NRP1: variants seen among roughly 807,000 people sequenced by gnomAD.
NRP1 encodes neuropilin-1.
NRP1 carries 35 observed loss-of-function variants against 106.7 expected under a neutral mutation model. That is an observed-to-expected ratio of 0.33 (90% CI 0.25 to 0.43). The LOEUF (loss-of-function observed/expected upper bound fraction) is 0.43. Ranked by LOEUF, NRP1 falls within the 20% of genes least tolerant of loss-of-function variation. The pLI, the probability that NRP1 is intolerant of heterozygous loss-of-function variation, is 1.00. For missense variants in NRP1, 1,024 were observed against 1,170.4 expected (o/e 0.87, Z 1.83); for synonymous variants, 437 against 417.9 (o/e 1.05, Z -0.56).
intron 11 of NRP1, among the ~76,000 whole-genome samples, chr10:33,198,209 T>C (rs1010858126): frequency 1.3e-5 from 2 of 150,444 alleles, no homozygotes; most frequent in African/African-American, 4.9e-5. Context: ...TGGCACAATC[T>C]CGGCTCACTA....
intron 10 of NRP1, 130 bp downstream of exon 10, chr10:33,207,442 G>T (rs1328380256): frequency 5.5e-6 from 5 of 909,914 alleles, no homozygotes; most frequent in African/African-American, 3.3e-5. Flanking sequence ...TCACTGATGG[G>T]CAGGCACCGA....
chr10:33,185,628 T>G lies in NRP1; in HGVS notation c.2431A>C (p.Lys811Gln). The change falls in exon 15 of 17, where the codon AAA becomes CAA. Residue 811 changes from lysine to glutamine, a missense_variant and splice_region_variant. Around this residue, in one of 5 missense-constraint regions of NRP1, gnomAD observed 164 missense variants for 161.4 expected, o/e 1.02. Transcript: ENST00000374867. Reference sequence around the variant, plus strand: ...GGTTTCTACAGCAGCTCATACTTACTTGCACAATCTTCTTGTGAAATGTGG... The same window carrying G: ...GGTTTCTACAGCAGCTCATACTTACGTGCACAATCTTCTTGTGAAATGTGG... ...NNHISQEDCA[K>Q]PADLDKKNPE... is the part of the protein sequence containing the mutation. 4.3e-6 allele frequency: 7 copies of G among 1,610,010 alleles called. No homozygotes were observed. The highest frequency in any genetic ancestry group is 6.0e-6 in the Non-Finnish European group (7 of 1,176,270).
chr10:33,317,278 T>C (rs1847107391), intron 2 of NRP1, among the ~76,000 whole-genome samples: 1 of 152,218 alleles, frequency 6.6e-6, no homozygotes, highest in Non-Finnish European at 1.5e-5. Flanking sequence ...TAACCTCTTC[T>C]CTGCCATGAT....
At chr10:33,332,255 A>G (rs375375586) in intron 1 of NRP1, among the ~76,000 whole-genome samples, 37 of 152,314 alleles carry the variant, frequency 2.4e-4, no homozygotes, top group African/African-American at 8.4e-4. Context: ...ACTGGCTTGT[A>G]AAAGTGTAAG....
chr10:33,322,356 G>T (rs7070426), intron 2 of NRP1, among the ~76,000 whole-genome samples: 4,837 of 152,186 alleles, frequency 0.032, 278 homozygotes, highest in African/African-American at 0.11. Flanking sequence ...CCTAAGTTAA[G>T]GCAAGTTTTT....
intron 3 of NRP1, among the ~76,000 whole-genome samples, chr10:33,264,930 GA>G (rs1207536332): frequency 1.3e-5 from 2 of 152,072 alleles, no homozygotes; most frequent in Non-Finnish European, 2.9e-5. Context: ...CCAACATAGG[GA>G]AACCCCAGTC....
intron 2 of NRP1, among the ~76,000 whole-genome samples, chr10:33,308,456 G>C (rs1382424220): frequency 1.3e-5 from 2 of 151,350 alleles, no homozygotes; most frequent in Admixed American, 1.3e-4. Context: ...AGAGAAAATG[G>C]TAGGATAAAA....
intron 15 of NRP1, 111 bp from the exon 16 acceptor site, chr10:33,182,859 ACACG>A: frequency 2.6e-6 from 2 of 758,750 alleles, no homozygotes; most frequent in Non-Finnish European, 2.3e-6. Context: ...ACACACACAC[ACACG>A]TGTCTACTGG....
At chr10:33,205,141 T>G (rs1169471904) in intron 10 of NRP1, among the ~76,000 whole-genome samples, 1 of 152,220 alleles carries the variant, frequency 6.6e-6, no homozygotes, top group Non-Finnish European at 1.5e-5. Flanking sequence ...GTGTCTCCCC[T>G]AGAACAAGGC....
intron 2 of NRP1, among the ~76,000 whole-genome samples, chr10:33,302,559 C>A (rs1845875990): frequency 6.6e-6 from 1 of 152,184 alleles, no homozygotes; most frequent in African/African-American, 2.4e-5. Flanking sequence ...GTATCTATGG[C>A]AGAGGTGACA....
intron 12 of NRP1, chr10:33,194,402 A>G (rs1836630262): frequency 5.0e-6 from 1 of 200,276 alleles, no homozygotes; most frequent in Middle Eastern, 2.1e-3. Context: ...TTAATACATT[A>G]CATTTATTGT....
intron 3 of NRP1, among the ~76,000 whole-genome samples, chr10:33,270,438 C>G (rs537812146): frequency 1.3e-5 from 2 of 152,062 alleles, no homozygotes; most frequent in African/African-American, 4.8e-5. Context: ...GTGATTCTCC[C>G]GCCTTAGCCT....
intron 2 of NRP1, among the ~76,000 whole-genome samples, chr10:33,317,139 G>A (rs1847095569): frequency 6.6e-6 from 1 of 152,218 alleles, no homozygotes; most frequent in African/African-American, 2.4e-5. Context: ...CTTCTATTGG[G>A]TCTCCCAGCC....
At chr10:33,187,487 G>A (rs1437477199) in intron 13 of NRP1, among the ~76,000 whole-genome samples, 1 of 152,072 alleles carries the variant, frequency 6.6e-6, no homozygotes, top group Non-Finnish European at 1.5e-5. Context: ...ATTTGATGTG[G>A]GCTTCTGGCT....
At chr10:33,203,571 C>T (rs1837514703) in intron 10 of NRP1, among the ~76,000 whole-genome samples, 1 of 152,024 alleles carries the variant, frequency 6.6e-6, no homozygotes, top group African/African-American at 2.4e-5. Context: ...ACTGTGAGCC[C>T]TCTCTCCAGG....
chr10:33,246,583 A>AGCACAC (rs113513643), intron 6 of NRP1, among the ~76,000 whole-genome samples: 2 of 137,646 alleles, frequency 1.5e-5, no homozygotes, highest in South Asian at 2.3e-4. Flanking sequence ...AGTTGCAATA[A>AGCACAC]ACACACACAC....
At chr10:33,306,112 G>T (rs984461435) in intron 2 of NRP1, among the ~76,000 whole-genome samples, 2 of 152,136 alleles carry the variant, frequency 1.3e-5, no homozygotes, top group African/African-American at 2.4e-5. Flanking sequence ...TGTCATACAT[G>T]TAGGGAAGTG....
chr10:33,271,484 C>A (rs1362939774), intron 2 of NRP1, among the ~76,000 whole-genome samples: 1 of 152,180 alleles, frequency 6.6e-6, no homozygotes, highest in East Asian at 1.9e-4. Flanking sequence ...AGCATAATTT[C>A]TCCCAAGAAA....
intron 6 of NRP1, among the ~76,000 whole-genome samples, chr10:33,235,691 A>G (rs1411706052): frequency 6.6e-6 from 1 of 152,248 alleles, no homozygotes; most frequent in East Asian, 1.9e-4. Flanking sequence ...GGACACCAGG[A>G]CACACTACAT....
Sources: allele counts gnomAD v4.1 joint callset (sites outside exome capture counted in the v4.1 genomes callset), GRCh38; gene constraint gnomAD v4.1.1; regional missense constraint gnomAD v4.1.1; transcripts MANE v1.5; gene names NCBI Gene and HGNC (gene_info 2026-07-23, HGNC 2026-07-21).